The following PTPRM variants were observed in gnomAD, a reference collection of about 807,000 sequenced individuals.
PTPRM encodes the protein protein tyrosine phosphatase receptor type M, also known as receptor-type tyrosine-protein phosphatase mu.
Under a neutral mutation model 186.7 loss-of-function variants are expected in PTPRM, and 47 were observed. That is an observed-to-expected ratio of 0.25 (90% CI 0.20 to 0.32). PTPRM has a LOEUF of 0.32. Among genes scored for constraint, PTPRM ranks in the 10% least tolerant of loss-of-function variants. The pLI, the probability that PTPRM is intolerant of heterozygous loss-of-function variation, is 1.00. For missense variants in PTPRM, 1,494 were observed against 1,865.0 expected, an observed-to-expected ratio of 0.80 and a Z score of 3.66; for synonymous variants, 668 against 674.9, an observed-to-expected ratio of 0.99 and a Z score of 0.16.
At chr18:8,271,689 T>C (rs2094772951) in intron 19 of PTPRM, among the ~76,000 whole-genome samples, 1 of 152,134 alleles carries the variant, frequency 6.6e-6, no homozygotes, top group Non-Finnish European at 1.5e-5. Context: ...GTTACAGATT[T>C]CTCATTTTTC....
chr18:8,362,181 A>G (rs1006610169), intron 23 of PTPRM, among the ~76,000 whole-genome samples: 5 of 152,196 alleles, frequency 3.3e-5, no homozygotes, highest in East Asian at 1.9e-4. Context: ...CCCGGCCCCA[A>G]CTGCTCCCAG....
chr18:8,139,178 C>G (rs923454611), intron 13 of PTPRM, among the ~76,000 whole-genome samples: 1 of 152,176 alleles, frequency 6.6e-6, no homozygotes, highest in African/African-American at 2.4e-5. Context: ...CCCACCCACC[C>G]CTCCAAACCT....
At chr18:7,798,365 C>T (rs1395113711) in intron 2 of PTPRM, among the ~76,000 whole-genome samples, 1 of 151,746 alleles carries the variant, frequency 6.6e-6, no homozygotes, top group Admixed American at 6.6e-5. Context: ...CCTGTCTCTA[C>T]TAAAAATGCA....
intron 1 of PTPRM, among the ~76,000 whole-genome samples, chr18:7,753,908 G>A (rs2041344873): frequency 6.6e-6 from 1 of 150,570 alleles, no homozygotes; most frequent in African/African-American, 2.4e-5. Context: ...TTGGATTTTT[G>A]GCTTTACTCA....
chr18:7,991,538 G>T (rs928704439), intron 7 of PTPRM, among the ~76,000 whole-genome samples: 8 of 152,074 alleles, frequency 5.3e-5, no homozygotes, highest in African/African-American at 1.7e-4. Flanking sequence ...TAATAGAATC[G>T]CAGGGTCTAA....
In PTPRM at chr18:7,693,063, A is replaced by C. The variant is rs1210194030; in HGVS notation, c.74-81086A>C. 1.2e-4 allele frequency among the ~76,000 whole-genome samples: 18 copies of C among 152,210 alleles called. 1 individual carries two copies. The highest frequency in any genetic ancestry group is 1.2e-3 in the Admixed American group (18 of 15,278). On this transcript the variant is annotated intron_variant, in intron 1 of 32. Transcript: ENST00000580170. Reference sequence around the variant, plus strand: ...AATGCTTACGTGTTGTGTAGCACTAATGTAAACACTGTAAATGGTCACTCT... The same window carrying C: ...AATGCTTACGTGTTGTGTAGCACTACTGTAAACACTGTAAATGGTCACTCT...
chr18:7,899,973 TTCTCA>T (rs1050340474), intron 3 of PTPRM, among the ~76,000 whole-genome samples: 85 of 152,274 alleles, frequency 5.6e-4, no homozygotes, highest in African/African-American at 1.6e-3. Context: ...CAGGGTCTTC[TTCTCA>T]TTGCTAGAAT....
chr18:8,129,226 T>C (rs2145916864), intron 13 of PTPRM, among the ~76,000 whole-genome samples: 1 of 98,194 alleles, frequency 1.0e-5, no homozygotes, highest in East Asian at 4.7e-4. Context: ...GGAAATATAT[T>C]ATTTCAATTT....
chr18:8,024,865 G>A (rs1252326901), intron 7 of PTPRM, among the ~76,000 whole-genome samples: 1 of 151,584 alleles, frequency 6.6e-6, no homozygotes, highest in Non-Finnish European at 1.5e-5. Context: ...TGTTGTTTTA[G>A]GAGAGACAGT....
intron 1 of PTPRM, among the ~76,000 whole-genome samples, chr18:7,710,364 C>T (rs1318612033): frequency 3.3e-5 from 5 of 152,030 alleles, no homozygotes; most frequent in Non-Finnish European, 1.5e-5. Context: ...TGATAAAACC[C>T]TGCATAAAAC....
chr18:8,273,702 A>G (rs949131218), intron 19 of PTPRM, among the ~76,000 whole-genome samples: 3 of 152,210 alleles, frequency 2.0e-5, no homozygotes, highest in Admixed American at 6.5e-5. Context: ...GGTAGGAATC[A>G]TTGGTATATA....
chr18:7,895,170 T>C (rs1201677235), intron 3 of PTPRM, among the ~76,000 whole-genome samples: 1 of 152,120 alleles, frequency 6.6e-6, no homozygotes, highest in African/African-American at 2.4e-5. Context: ...TGAGCCTCAC[T>C]TTCCTAATTA....
chr18:8,161,893 T>C (rs926680371), intron 14 of PTPRM, among the ~76,000 whole-genome samples: 2 of 152,098 alleles, frequency 1.3e-5, no homozygotes, highest in Non-Finnish European at 2.9e-5. Flanking sequence ...ATCTTGTAGG[T>C]GATATGGCCA....
Position 8,224,670 on chromosome 18 carries a change from C to A in PTPRM, c.2301-19388C>A, listed in dbSNP as rs2094192405. On this transcript the variant is annotated intron_variant, in intron 14 of 32. Coordinates refer to ENST00000580170, the MANE Select transcript of PTPRM (RefSeq NM_001105244.2). ...TTGTGACCCAGGGCAAGTCACATAA[C>A]CTTTTATATATGATTCCTTATTTGT... 3.3e-5 allele frequency among the ~76,000 whole-genome samples: 5 copies of A among 152,330 alleles called. No individual in the cohort carries two copies. The South Asian group carries it at 1.0e-3, about 32-fold the overall frequency.
chr18:8,129,885 C>A (rs2092460517), intron 13 of PTPRM, among the ~76,000 whole-genome samples: 1 of 152,116 alleles, frequency 6.6e-6, no homozygotes, highest in South Asian at 2.1e-4. Flanking sequence ...GTCAAAAAAT[C>A]AAGGGAGAAG....
At chr18:7,877,353 A>T (rs116143060) in intron 2 of PTPRM, among the ~76,000 whole-genome samples, 172 of 152,238 alleles carry the variant, frequency 1.1e-3, no homozygotes, top group African/African-American at 3.7e-3. Flanking sequence ...TGTATTACTG[A>T]CCTTGTTATG....
intron 19 of PTPRM, among the ~76,000 whole-genome samples, chr18:8,270,705 G>A (rs1215150261): frequency 6.6e-6 from 1 of 152,148 alleles, no homozygotes; most frequent in Non-Finnish European, 1.5e-5. Context: ...GCCATTTGCA[G>A]CAACATGAAT....
intron 4 of PTPRM, 34 bp from the exon 5 acceptor site, chr18:7,926,534 C>A (rs767185503): frequency 6.6e-7 from 1 of 1,519,572 alleles, no homozygotes; most frequent in South Asian, 1.2e-5. Context: ...CAAATCTCCA[C>A]TTTTAATATC....
intron 7 of PTPRM, among the ~76,000 whole-genome samples, chr18:7,995,283 AAAAGCCTCCCAAC>A (rs2083473904): frequency 1.3e-5 from 2 of 152,180 alleles, no homozygotes; most frequent in Admixed American, 1.3e-4. Context: ...ATCAGTAATA[AAAAGCCTCCCAAC>A]AAAGAAAAGC....
Sources: allele counts gnomAD v4.1 joint callset (sites outside exome capture counted in the v4.1 genomes callset), GRCh38; gene constraint gnomAD v4.1.1; transcripts MANE v1.5; gene names NCBI Gene and HGNC (gene_info 2026-07-23, HGNC 2026-07-21).